Variants in DOCK11 observed in about 807,000 individuals in gnomAD.
DOCK11 encodes dedicator of cytokinesis 11.
In DOCK11, 70 loss-of-function variants were observed where a neutral mutation model predicts 169.1. That is an observed-to-expected ratio of 0.41 (90% CI 0.34 to 0.51). The LOEUF is 0.51. DOCK11 is among the 20% of genes least tolerant of loss of function. The probability of loss-of-function intolerance (pLI) is 0.10; values close to 1 mark genes in which losing one functional copy is unlikely to be tolerated. For missense variants in DOCK11, 1,166 were observed against 1,538.8 expected (o/e 0.76, Z 4.05); for synonymous variants, 529 against 541.3 (o/e 0.98, Z 0.32).
intron 1 of DOCK11, among the ~76,000 whole-genome samples, chrX:118,512,908 GCTT>G (rs1371128428): frequency 1.8e-5 from 2 of 112,030 alleles, no homozygotes; most frequent in Middle Eastern, 9.1e-3. Context: ...ACTGGGACTG[GCTT>G]CTTCTTACTG....
At chrX:118,685,579 ATAAC>A (rs1324464054) in intron 52 of DOCK11, 105 bp from the exon 53 acceptor site, 1 of 972,855 alleles carries the variant, frequency 1.0e-6, no homozygotes, top group African/African-American at 1.9e-5. Flanking sequence ...GTCTTTTTAA[ATAAC>A]TGTCAGTGAT....
At chrX:118,530,504 C>T (rs974551463) in intron 1 of DOCK11, among the ~76,000 whole-genome samples, 3 of 112,440 alleles carry the variant, frequency 2.7e-5, no homozygotes, top group African/African-American at 6.5e-5. Flanking sequence ...CCTCCATAAA[C>T]GTTCCTTCCC....
At chrX:118,644,064 G>A (rs1014733625) in intron 40 of DOCK11, among the ~76,000 whole-genome samples, 4 of 111,543 alleles carry the variant, frequency 3.6e-5, no homozygotes, top group Non-Finnish European at 5.6e-5. Context: ...AGCCATAACT[G>A]AGGGCCCTAA....
At chrX:118,681,326 A>G (rs1182596913) in intron 50 of DOCK11, 78 bp downstream of exon 50, 10 of 953,958 alleles carry the variant, frequency 1.0e-5, no homozygotes, top group Non-Finnish European at 1.4e-5. Context: ...GCAAGCATTA[A>G]TTGTAATTAT....
Position 118,676,702 on chromosome X carries a change from A to G in DOCK11, c.5425A>G (p.Thr1809Ala), listed in dbSNP as rs748400538. 3.3e-6 allele frequency: 4 copies of G among 1,205,117 alleles called. No homozygotes were observed. The highest frequency in any genetic ancestry group is 3.4e-6 in the Non-Finnish European group (3 of 891,411). The change falls in exon 48 of 53, where the codon ACG becomes GCG. Residue 1809 changes from threonine to alanine, a missense_variant. Transcript: ENST00000276202. ...TAAACTTTATGGTGAAAAGTTTGGTACGGAGAATGTCAAAATAATTCAGGA... is the reference window on the plus strand; with the variant it reads ...TAAACTTTATGGTGAAAAGTTTGGTGCGGAGAATGTCAAAATAATTCAGGA... ...LVKLYGEKFG[T>A]ENVKIIQDSD...
At chrX:118,542,651 A>G in intron 1 of DOCK11, 74 bp from the exon 2 acceptor site, 1 of 736,826 alleles carries the variant, frequency 1.4e-6, no homozygotes, top group East Asian at 3.2e-5. Context: ...GAAGTAATGT[A>G]TCTTTAGTAC....
intron 1 of DOCK11, among the ~76,000 whole-genome samples, chrX:118,502,166 C>G (rs2057579908): frequency 9.0e-6 from 1 of 111,598 alleles, no homozygotes; most frequent in Non-Finnish European, 1.9e-5. Flanking sequence ...CTTGTCCACT[C>G]AAGGCAGGAA....
chrX:118,607,112 C>CT (rs776058680), intron 24 of DOCK11, among the ~76,000 whole-genome samples: 1,752 of 62,928 alleles, frequency 0.028, 59 homozygotes, highest in African/African-American at 0.064. Flanking sequence ...TCCTTTCCTT[C>CT]TTTTTTTTTT....
At chrX:118,496,210 C>T (rs918029825) in intron 1 of DOCK11, 137 bp downstream of exon 1, 6 of 367,443 alleles carry the variant, frequency 1.6e-5, no homozygotes, top group Non-Finnish European at 2.3e-5. Flanking sequence ...GTTTTCGCAC[C>T]GGCAGCCGCC....
chrX:118,572,181 G>C, intron 10 of DOCK11, 142 bp from the exon 11 acceptor site: 1 of 495,336 alleles, frequency 2.0e-6, no homozygotes, highest in Non-Finnish European at 3.2e-6. Context: ...GTCTATAAAA[G>C]CTTGTTAGAT....
At chrX:118,561,907 T>A (rs1446795866) in intron 7 of DOCK11, among the ~76,000 whole-genome samples, 1 of 110,287 alleles carries the variant, frequency 9.1e-6, no homozygotes, top group Non-Finnish European at 1.9e-5. Context: ...GGCTCATGTG[T>A]ATAATCCCTG....
chrX:118,514,136 G>C (rs1415549710), intron 1 of DOCK11, among the ~76,000 whole-genome samples: 1 of 109,993 alleles, frequency 9.1e-6, no homozygotes, highest in Non-Finnish European at 1.9e-5. Context: ...TTAAACGTCT[G>C]ACCTTTCCCC....
At chrX:118,633,843 G>A (rs1248156684) in intron 35 of DOCK11, 2 of 112,762 alleles carry the variant, frequency 1.8e-5, no homozygotes, top group Non-Finnish European at 3.7e-5. Context: ...GTCTGAAATT[G>A]TTGTTGCCTC....
rs146589444 is a variant in DOCK11 at position 118,630,072 on chromosome X, A to C, written c.3775-307A>C. 6.1e-3 allele frequency among the ~76,000 whole-genome samples: 677 copies of C among 111,311 alleles called. 6 individuals are homozygous for C. The highest frequency in any genetic ancestry group is 0.021 in the African/African-American group (647 of 30,628). On this transcript the variant is annotated intron_variant, in intron 34 of 52. Coordinates refer to ENST00000276202, the MANE Select transcript of DOCK11 (RefSeq NM_144658.4). ...TGTTTCTTATGCTTTCACTCCATGT[A>C]AAAGCTATCTTTCCTTAAATAGCCA...
intron 39 of DOCK11, among the ~76,000 whole-genome samples, chrX:118,642,026 A>C (rs997137133): frequency 1.8e-5 from 2 of 111,541 alleles, no homozygotes; most frequent in Non-Finnish European, 3.8e-5. Flanking sequence ...AGGCTTATAA[A>C]GGAAAATTGA....
intron 29 of DOCK11, 39 bp downstream of exon 29, chrX:118,614,814 T>A (rs777178767): frequency 1.1e-6 from 1 of 951,630 alleles, no homozygotes; most frequent in Non-Finnish European, 1.5e-6. Context: ...ATGTCAGACA[T>A]CTGAGCATAA....
intron 14 of DOCK11, among the ~76,000 whole-genome samples, chrX:118,583,393 C>T (rs1001087941): frequency 6.3e-5 from 7 of 110,522 alleles, no homozygotes; most frequent in Admixed American, 9.6e-5. Flanking sequence ...CAAACCTGCA[C>T]ATTCTGCACA....
chrX:118,636,417 G>A lies in DOCK11; in HGVS notation c.3953+5G>A, dbSNP rs748876534. On this transcript the variant is annotated splice_donor_5th_base_variant and intron_variant, in intron 36 of 52. Transcript: ENST00000276202. The stretch of plus-strand genomic sequence containing the variant: ...AAACATTCTTATACTTTTAGAGTAA[G>A]TTATATTAATTTATCTTCATATACT... The A allele has an allele frequency of 1.0e-6, 1 of 979,797 alleles. No homozygotes were observed. Among genetic ancestry groups the A allele is most frequent in the Non-Finnish European group, 1.4e-6 (1 of 715,417 alleles). The allele number at this position is 979,797 out of a possible 1,213,427, so 80.7% of individuals were successfully genotyped here.
At chrX:118,529,810 A>G (rs1410054087) in intron 1 of DOCK11, among the ~76,000 whole-genome samples, 1 of 111,009 alleles carries the variant, frequency 9.0e-6, no homozygotes, top group Non-Finnish European at 1.9e-5. Flanking sequence ...AGGTGGGGGG[A>G]GTAGACATAA....
Sources: gnomAD v4.1 joint callset for allele counts (sites outside exome capture counted in the v4.1 genomes callset) on GRCh38, gnomAD v4.1.1 for gene constraint, MANE v1.5 for transcripts, NCBI Gene and HGNC (gene_info 2026-07-23, HGNC 2026-07-21) for gene names.